The following FRAS1 variants were observed in gnomAD, a reference collection of about 807,000 sequenced individuals.
FRAS1 encodes the protein extracellular matrix organizing protein FRAS1.
FRAS1 carries 290 observed loss-of-function variants against 435.2 expected under a neutral mutation model. The observed-to-expected ratio is 0.67, with a 90% CI of 0.61 to 0.73. The LOEUF (loss-of-function observed/expected upper bound fraction) is 0.73, where lower values mean the gene tolerates loss of function less well. FRAS1 is among the 30% of genes least tolerant of loss of function. The pLI is 0.00. For missense variants in FRAS1, 4,860 were observed against 5,001.5 expected (o/e 0.97, Z 0.85); for synonymous variants, 1,800 against 1,851.0 (o/e 0.97, Z 0.71).
chr4:78,252,640 GTTCT>G, intron 5 of FRAS1, 89 bp downstream of exon 5: 1 of 1,239,816 alleles, frequency 8.1e-7, no homozygotes, highest in Non-Finnish European at 1.1e-6. Flanking sequence ...TTCAACATAG[GTTCT>G]TTCTATTTTC....
rs72867935 is a variant in FRAS1, at chr4:78,374,497, A to C, written c.3151+246A>C. On this transcript the variant is annotated intron_variant, in intron 25 of 73. Transcript: ENST00000512123. ...GTCCCCAAAGGTCTTTATGGAAACA[A>C]AGCCAATATTTTATGGAATGTAACG... Among the ~76,000 whole-genome samples, 1,083 of 152,358 alleles carry C rather than the reference A, an allele frequency of 7.1e-3. 7 individuals are homozygous for C. The highest frequency in any genetic ancestry group is 0.025 in the African/African-American group (1,039 of 41,576).
chr4:78,323,070 T>G (rs1312909589), intron 18 of FRAS1, among the ~76,000 whole-genome samples: 2 of 152,156 alleles, frequency 1.3e-5, no homozygotes, highest in African/African-American at 4.8e-5. Flanking sequence ...TCTGGTAATA[T>G]GGCGATGGCC....
In FRAS1 at chr4:78,359,069, T is replaced by C. The variant is rs183173428; in HGVS notation, c.2423-4444T>C. The stretch of plus-strand genomic sequence containing the variant: ...GATTTTTATGCTTATTTATACTTTG[T>C]AAAAATATTTTTCATGTTTCCTTCT... On this transcript the variant is annotated intron_variant, in intron 20 of 73. Transcript: ENST00000512123. 4.5e-3 allele frequency among the ~76,000 whole-genome samples: 690 copies of C among 152,344 alleles called. 2 individuals carry two copies. The highest frequency in any genetic ancestry group is 5.4e-3 in the Non-Finnish European group (366 of 68,032).
chr4:78,535,114 G>A (rs1307190027), intron 71 of FRAS1, among the ~76,000 whole-genome samples: 1 of 152,062 alleles, frequency 6.6e-6, no homozygotes, highest in Non-Finnish European at 1.5e-5. Context: ...CTTTTTTCCT[G>A]TTGGGTTTCC....
In FRAS1 at chr4:78,365,460, T is replaced by A. The variant is rs77855897; in HGVS notation, c.2722+1406T>A. ...AGATTTATTAGGCTCTTCACAGCAGTGGAATCACAGAAATAAAAGTTCAAA... is the reference window on the plus strand; with the variant it reads ...AGATTTATTAGGCTCTTCACAGCAGAGGAATCACAGAAATAAAAGTTCAAA... On this transcript the variant is annotated intron_variant, in intron 22 of 73. Transcript: ENST00000512123. Among the ~76,000 whole-genome samples the A allele has an allele frequency of 6.9e-4, 105 of 152,266 alleles. 1 individual carries two copies. In the Middle Eastern group the frequency reaches 0.027, roughly 39 times the overall value.
chr4:78,308,362 A>G (rs1388019323), intron 15 of FRAS1, among the ~76,000 whole-genome samples, 153 bp downstream of exon 15: 1 of 152,236 alleles, frequency 6.6e-6, no homozygotes, highest in Non-Finnish European at 1.5e-5. Context: ...GATGTGCATA[A>G]CACACTTTCC....
At chr4:78,242,807 A>G (rs1725062983) in intron 3 of FRAS1, among the ~76,000 whole-genome samples, 2 of 152,154 alleles carry the variant, frequency 1.3e-5, no homozygotes, top group South Asian at 4.2e-4. Flanking sequence ...TTGGCTATGG[A>G]TTGACTAGAA....
intron 30 of FRAS1, among the ~76,000 whole-genome samples, chr4:78,401,112 T>C (rs1279398667): frequency 1.3e-5 from 2 of 152,222 alleles, no homozygotes; most frequent in Non-Finnish European, 2.9e-5. Context: ...CACCTAAAAT[T>C]TAAGTTTTAA....
chr4:78,075,865 A>G lies in FRAS1; in HGVS notation c.108+9849A>G, dbSNP rs148047031. Among the ~76,000 whole-genome samples the G allele has an allele frequency of 4.7e-4, 71 of 152,324 alleles. 1 individual carries two copies. The East Asian group carries it at 0.012, about 26-fold the overall frequency. On this transcript the variant is annotated intron_variant, in intron 2 of 73. Transcript: ENST00000512123. ...ATATAGGATCAGTATAAGTAAACGC[A>G]TAAGTGGCAAAGGGAGTCCAGTTTG...
intron 2 of FRAS1, among the ~76,000 whole-genome samples, chr4:78,115,727 T>C (rs1178714671): frequency 6.6e-6 from 1 of 152,188 alleles, no homozygotes; most frequent in East Asian, 1.9e-4. Flanking sequence ...TCTTTTCTTC[T>C]TTATTAGTCT....
intron 9 of FRAS1, among the ~76,000 whole-genome samples, chr4:78,268,441 C>A (rs1726484597): frequency 6.6e-6 from 1 of 152,048 alleles, no homozygotes; most frequent in South Asian, 2.1e-4. Flanking sequence ...CATTTATTTT[C>A]TTTATGTTAG....
At chr4:78,330,223 C>T in intron 18 of FRAS1, among the ~76,000 whole-genome samples, 1 of 152,186 alleles carries the variant, frequency 6.6e-6, no homozygotes, top group East Asian at 1.9e-4. Context: ...GTGAAGATTT[C>T]ATGGACACTC....
chr4:78,255,206 A>AC (rs1382224287), intron 5 of FRAS1, 36 bp from the exon 6 acceptor site: 73 of 1,550,494 alleles, frequency 4.7e-5, no homozygotes, highest in Admixed American at 4.1e-4. Flanking sequence ...AACAAATGCC[A>AC]TCCCCCTAGT....
chr4:78,121,447 A>T (rs1560534678), intron 2 of FRAS1, among the ~76,000 whole-genome samples: 1 of 152,216 alleles, frequency 6.6e-6, no homozygotes, highest in Non-Finnish European at 1.5e-5. Context: ...GTGTTGGCAC[A>T]GTGCTGGGCT....
intron 31 of FRAS1, among the ~76,000 whole-genome samples, chr4:78,408,341 T>C (rs1202628617): frequency 2.0e-5 from 3 of 152,128 alleles, no homozygotes; most frequent in Non-Finnish European, 4.4e-5. Flanking sequence ...AAAATATAAT[T>C]CATAGCATTA....
Position 78,141,615 on chromosome 4 carries a change from G to A in FRAS1, c.108+75599G>A, listed in dbSNP as rs376246826. 5.3e-5 allele frequency among the ~76,000 whole-genome samples: 8 copies of A among 152,284 alleles called. 1 individual carries two copies. Among genetic ancestry groups the A allele is most frequent in the African/African-American group, 1.9e-4 (8 of 41,570 alleles). ...GCTCAGAAACTGAGCATAGCTTTTA[G>A]TACAATAATGGGGCTGATGGAGGAT... On this transcript the variant is annotated intron_variant, in intron 2 of 73. Transcript: ENST00000512123.
At chr4:78,127,133 T>C (rs1560538278) in intron 2 of FRAS1, among the ~76,000 whole-genome samples, 4 of 150,054 alleles carry the variant, frequency 2.7e-5, no homozygotes, top group African/African-American at 9.9e-5. Context: ...CAAAAAACAA[T>C]TATTAAAGAC....
intron 18 of FRAS1, among the ~76,000 whole-genome samples, chr4:78,326,540 T>C (rs530043772): frequency 1.4e-4 from 22 of 152,186 alleles, no homozygotes; most frequent in Non-Finnish European, 3.1e-4. Flanking sequence ...TAGAAGTAGA[T>C]GCAGAGTAGT....
chr4:78,409,319 A>G (rs1309425807), intron 31 of FRAS1, among the ~76,000 whole-genome samples: 3 of 152,120 alleles, frequency 2.0e-5, no homozygotes, highest in Non-Finnish European at 4.4e-5. Flanking sequence ...GCAAACACTT[A>G]AGAAATATTG....
Sources: gnomAD v4.1 joint callset for allele counts (sites outside exome capture counted in the v4.1 genomes callset) on GRCh38, gnomAD v4.1.1 for gene constraint, MANE v1.5 for transcripts, NCBI Gene and HGNC (gene_info 2026-07-23, HGNC 2026-07-21) for gene names.